SMIM7: variants seen among roughly 807,000 people sequenced by gnomAD.
The protein encoded by SMIM7 is UPF0608 protein C19orf42.
SMIM7 carries 12 observed loss-of-function variants against 13.3 expected under a neutral mutation model. That is an observed-to-expected ratio of 0.90 (90% CI 0.58 to 1.46). SMIM7 has a LOEUF of 1.46. Ranked by LOEUF, SMIM7 falls within the 40% of genes most tolerant of loss-of-function variation. The pLI is 0.00. For missense variants in SMIM7, 114 were observed against 94.8 expected (o/e 1.20, Z -0.84); for synonymous variants, 36 against 35.8 (o/e 1.01, Z -0.02).
At chr19:16,655,744 C>T (rs866706457) in intron 3 of SMIM7, among the ~76,000 whole-genome samples, 36 of 151,330 alleles carry the variant, frequency 2.4e-4, no homozygotes, top group African/African-American at 7.8e-4. Context: ...GGGTGCTACC[C>T]GAAGTATCTG....
At chr19:16,634,411 C>G (rs1426467918) in intron 4 of SMIM7, 2 of 152,146 alleles carry the variant, frequency 1.3e-5, no homozygotes, top group Non-Finnish European at 2.9e-5. Flanking sequence ...CCAGTCCAGG[C>G]TAAAGCTTTA....
chr19:16,646,160 A>G lies in SMIM7; in HGVS notation c.*1086T>C, dbSNP rs904661014. The G allele has an allele frequency of 6.6e-6, 1 of 151,896 alleles. No individual in the cohort carries two copies. The highest frequency in any genetic ancestry group is 1.5e-5 in the Non-Finnish European group (1 of 67,992). 9.4% of individuals were successfully genotyped at this position (151,896 alleles called of 1,614,324 possible). A position where few individuals can be genotyped will look rare whatever the true frequency, so the allele number is the denominator to read the frequency against. On this transcript the variant is annotated 3_prime_UTR_variant, in exon 5 of 5. Transcript: ENST00000487416. Reference sequence around the variant, plus strand: ...TATAAACAAAAGGTCCTTTTTAGAAATGAGGTTTATTTTCAAGGCTACTCA... The same window carrying G: ...TATAAACAAAAGGTCCTTTTTAGAAGTGAGGTTTATTTTCAAGGCTACTCA...
At chr19:16,635,709 C>G (rs1413508342) in intron 4 of SMIM7, among the ~76,000 whole-genome samples, 6 of 151,398 alleles carry the variant, frequency 4.0e-5, no homozygotes, top group Non-Finnish European at 7.4e-5. Context: ...TGGTGAAATC[C>G]CATCTCTAAG....
chr19:16,652,783 CCTCT>C (rs3833227), intron 4 of SMIM7: 10 of 1,511,700 alleles, frequency 6.6e-6, no homozygotes, highest in Middle Eastern at 3.5e-4. Context: ...AACTTTTTGT[CCTCT>C]CTCTTTCTGG....
At chr19:16,653,850 G>T in intron 4 of SMIM7, 185 bp downstream of exon 4, 1 of 585,250 alleles carries the variant, frequency 1.7e-6, no homozygotes, top group South Asian at 2.2e-5. Context: ...AGCCCAGATC[G>T]CACCACTGCA....
downstream of SMIM7, among the ~76,000 whole-genome samples, chr19:16,643,525 T>C (rs908987724): frequency 1.3e-5 from 2 of 152,094 alleles, no homozygotes; most frequent in African/African-American, 2.4e-5. Flanking sequence ...GTCTCCTGAG[T>C]AGCTGGGACT....
rs749508002 is a variant in SMIM7, at chr19:16,659,977, G to A, written c.50C>T (p.Ala17Val). 17 of 1,613,382 alleles carry A rather than the reference G, an allele frequency of 1.1e-5. No homozygotes were observed. In the Admixed American group the frequency reaches 2.5e-4, roughly 24 times the overall value. ...TACTCACAGCTTAAAGTTCAGCACC[G>A]CCCCGGCATTCATCAGCAACGTCCT... ...LFGTLLMNAG[A>V]VLNFKLKKKD... Residue 17 changes from alanine to valine, a missense_variant, in exon 2 of 5, where the codon GCG becomes GTG. Ala to Val is a moderately conservative substitution (Grantham distance 64). Transcript: ENST00000487416.
At chr19:16,649,254 G>A (rs1188141966) in intron 4 of SMIM7, among the ~76,000 whole-genome samples, 2 of 152,088 alleles carry the variant, frequency 1.3e-5, no homozygotes, top group Non-Finnish European at 2.9e-5. Context: ...TTGAGGTCTG[G>A]AGTTCGAGAC....
chr19:16,651,589 G>A (rs1020712206), intron 4 of SMIM7, among the ~76,000 whole-genome samples: 8 of 152,226 alleles, frequency 5.3e-5, no homozygotes, highest in Admixed American at 4.6e-4. Context: ...AGATGAGGGA[G>A]TGAAGATGCT....
chr19:16,647,620 T>G (rs1441064991), intron 4 of SMIM7, among the ~76,000 whole-genome samples: 2 of 151,018 alleles, frequency 1.3e-5, no homozygotes, highest in African/African-American at 4.9e-5. Context: ...CAAGCCAGAT[T>G]AATTTTTGTA....
intron 4 of SMIM7, among the ~76,000 whole-genome samples, chr19:16,650,961 C>A (rs1267991013): frequency 6.6e-6 from 1 of 152,216 alleles, no homozygotes; most frequent in Non-Finnish European, 1.5e-5. Context: ...GCCTTCTTCA[C>A]TTTCAGAACG....
At chr19:16,657,411 C>A (rs2086610131) in intron 3 of SMIM7, among the ~76,000 whole-genome samples, 1 of 152,192 alleles carries the variant, frequency 6.6e-6, no homozygotes, top group South Asian at 2.1e-4. Context: ...TAGTGCCTTC[C>A]ACGTGGGGGT....
At chr19:16,638,530 A>G (rs1386297216) in intron 4 of SMIM7, among the ~76,000 whole-genome samples, 1 of 151,088 alleles carries the variant, frequency 6.6e-6, no homozygotes, top group Admixed American at 6.6e-5. Flanking sequence ...CTGGCCTTGA[A>G]CTCCTGACCT....
At chr19:16,659,366 T>C in intron 3 of SMIM7, 29 bp downstream of exon 3, 1 of 1,607,922 alleles carries the variant, frequency 6.2e-7, no homozygotes, top group Non-Finnish European at 8.5e-7. Flanking sequence ...AAGTGGACCA[T>C]GCAATTCCAG....
Position 16,660,072 on chromosome 19 carries a change from T to C in SMIM7, c.26+13A>G, listed in dbSNP as rs986767493. On this transcript the variant is annotated intron_variant, in intron 1 of 4. Transcript: ENST00000487416. ...CTGGCTCTCTCTTCCCAGCCTCTGG[T>C]CCCCCTAATTACCCGAACAGCAGGA... The C allele has an allele frequency of 6.2e-7, 1 of 1,614,110 alleles. No individual in the cohort carries two copies. Among genetic ancestry groups the C allele is most frequent in the Non-Finnish European group, 8.5e-7 (1 of 1,180,002 alleles).
chr19:16,648,986 G>C (rs535824704), intron 4 of SMIM7, among the ~76,000 whole-genome samples: 1 of 152,266 alleles, frequency 6.6e-6, no homozygotes, highest in South Asian at 2.1e-4. Flanking sequence ...CTGTACTCCA[G>C]CTCCAGCCTG....
chr19:16,651,284 C>A (rs1244611496), intron 4 of SMIM7, among the ~76,000 whole-genome samples: 1 of 152,214 alleles, frequency 6.6e-6, no homozygotes, highest in East Asian at 1.9e-4. Flanking sequence ...ATCTCTGTCA[C>A]ACAACTCAAC....
chr19:16,639,181 G>C (rs1218431394), intron 4 of SMIM7, among the ~76,000 whole-genome samples: 1 of 150,678 alleles, frequency 6.6e-6, no homozygotes, highest in South Asian at 2.1e-4. Flanking sequence ...GAGTGCAGTG[G>C]CGTGATCTCG....
At position 16,634,825 on chromosome 19, in the gene SMIM7, T is replaced by C. The variant is rs1403787801; in HGVS notation, c.*138-3101A>G. 4.5e-5 allele frequency: 5 copies of C among 112,066 alleles called. No individual in the cohort carries two copies. In the East Asian group the frequency reaches 7.9e-4, roughly 18 times the overall value. The allele number at this position is 112,066 out of a possible 1,614,324, so 6.9% of individuals were successfully genotyped here. A position where few individuals can be genotyped will look rare whatever the true frequency, so the allele number is the denominator to read the frequency against. On this transcript the variant is annotated intron_variant and NMD_transcript_variant, in intron 4 of 4. Coordinates refer to the SMIM7 transcript ENST00000465250. Reference sequence around the variant, plus strand: ...AAAAGGCAAGAAAACTGAAAACATATACTCACAGAAAGACGTGCGTACATG... The same window carrying C: ...AAAAGGCAAGAAAACTGAAAACATACACTCACAGAAAGACGTGCGTACATG...
Sources: gnomAD v4.1 joint callset for allele counts (sites outside exome capture counted in the v4.1 genomes callset) on GRCh38, gnomAD v4.1.1 for gene constraint, MANE v1.5 for transcripts, NCBI Gene and HGNC (gene_info 2026-07-23, HGNC 2026-07-21) for gene names.